WIPF1: variants seen among roughly 807,000 people sequenced by gnomAD.
The protein encoded by WIPF1 is WAS/WASL-interacting protein family member 1.
Under a neutral mutation model 35.4 loss-of-function variants are expected in WIPF1, and 13 were observed. That is an observed-to-expected ratio of 0.37 (90% CI 0.24 to 0.58). The LOEUF (loss-of-function observed/expected upper bound fraction) is 0.58. Ranked by LOEUF, WIPF1 falls within the 20% of genes least tolerant of loss-of-function variation. The pLI is 0.74. For missense variants in WIPF1, 591 were observed against 667.0 expected (o/e 0.89, Z 1.25); for synonymous variants, 267 against 266.3 (o/e 1.00, Z -0.02).
In WIPF1 at chr2:174,567,145, C is replaced by G; in HGVS notation, c.1381G>C (p.Asp461His). The G allele has an allele frequency of 6.2e-7, 1 of 1,614,102 alleles. No homozygotes were observed. Among genetic ancestry groups the G allele is most frequent in the South Asian group, 1.1e-5 (1 of 91,084 alleles). ...ESRFYFHPIS[D>H]LPPPEPYVQT... Reference sequence around the variant, plus strand: ...ACATATGGCTCTGGAGGTGGCAAATCGGAAATCGGATGGAAGTAGAATCTG... The same window carrying G: ...ACATATGGCTCTGGAGGTGGCAAATGGGAAATCGGATGGAAGTAGAATCTG... Residue 461 changes from aspartate to histidine, a missense_variant, in exon 7 of 8, where the codon GAT becomes CAT. Physicochemically the swap from Asp to His is moderately conservative, Grantham distance 81. Transcript: ENST00000679041.
chr2:174,592,663 T>C (rs1258181767), intron 1 of WIPF1, among the ~76,000 whole-genome samples: 1 of 150,478 alleles, frequency 6.6e-6, no homozygotes, highest in Non-Finnish European at 1.5e-5. Flanking sequence ...TGGAGTGCAG[T>C]GGTACGATCT....
At chr2:174,604,999 C>A (rs1280328278) in intron 1 of WIPF1, among the ~76,000 whole-genome samples, 1 of 152,138 alleles carries the variant, frequency 6.6e-6, no homozygotes, top group African/African-American at 2.4e-5. Context: ...GTGTGTGGGG[C>A]TGAATTGGTA....
chr2:174,677,064 G>A (rs1688149395), intron 1 of WIPF1: 1 of 152,092 alleles, frequency 6.6e-6, no homozygotes, highest in Non-Finnish European at 1.5e-5. Context: ...TAAGGTAGGA[G>A]GATCATTTGG....
At chr2:174,592,876 G>A (rs1229699911) in intron 1 of WIPF1, among the ~76,000 whole-genome samples, 25 of 152,218 alleles carry the variant, frequency 1.6e-4, no homozygotes, top group Non-Finnish European at 5.9e-5. Context: ...AAGATGCTAT[G>A]ATAATAGGCA....
At chr2:174,576,465 T>C (rs1447360617) in intron 3 of WIPF1, among the ~76,000 whole-genome samples, 1 of 152,242 alleles carries the variant, frequency 6.6e-6, no homozygotes, top group Non-Finnish European at 1.5e-5. Context: ...TACATTAAAA[T>C]TTATTTAACT....
chr2:174,634,468 G>C (rs1687124795), intron 1 of WIPF1: 1 of 152,204 alleles, frequency 6.6e-6, no homozygotes, highest in South Asian at 2.1e-4. Flanking sequence ...AGAGAATTAG[G>C]TATTTTAGAG....
intron 1 of WIPF1, among the ~76,000 whole-genome samples, chr2:174,614,569 G>A (rs1448862917): frequency 6.6e-6 from 1 of 152,144 alleles, no homozygotes; most frequent in African/African-American, 2.4e-5. Context: ...ACCACAAGCT[G>A]ATGGCATTCT....
chr2:174,567,287 G>T, intron 6 of WIPF1, 104 bp from the exon 7 acceptor site: 1 of 1,091,204 alleles, frequency 9.2e-7, no homozygotes, highest in Non-Finnish European at 1.3e-6. Context: ...ACAGACATCA[G>T]TGCTAGTTTT....
At chr2:174,633,301 G>C (rs1393523532) in intron 1 of WIPF1, among the ~76,000 whole-genome samples, 1 of 152,166 alleles carries the variant, frequency 6.6e-6, no homozygotes, top group Non-Finnish European at 1.5e-5. Flanking sequence ...AACAAGTTGA[G>C]TCCACGAGCC....
intron 4 of WIPF1, among the ~76,000 whole-genome samples, chr2:174,573,094 A>C (rs1317483036): frequency 6.6e-6 from 1 of 152,220 alleles, no homozygotes; most frequent in Non-Finnish European, 1.5e-5. Context: ...ATCTACAAAG[A>C]AGCAGGCAAC....
intron 1 of WIPF1, among the ~76,000 whole-genome samples, 164 bp from the exon 2 acceptor site, chr2:174,585,775 A>G (rs1451032747): frequency 1.3e-5 from 2 of 152,208 alleles, no homozygotes; most frequent in Non-Finnish European, 2.9e-5. Context: ...TTCTGGAAGG[A>G]TCCCGGCAGA....
At chr2:174,585,665 C>T in intron 1 of WIPF1, 54 bp from the exon 2 acceptor site, 1 of 1,284,078 alleles carries the variant, frequency 7.8e-7, no homozygotes, top group South Asian at 1.3e-5. Context: ...TAATACTGTC[C>T]TAATCTGTCT....
intron 6 of WIPF1, 33 bp downstream of exon 6, chr2:174,567,828 C>T: frequency 6.5e-7 from 1 of 1,526,816 alleles, no homozygotes; most frequent in Middle Eastern, 1.8e-4. Context: ...TAGTTGCTGC[C>T]CTATAGCCCA....
chr2:174,589,159 G>A (rs556329396), intron 1 of WIPF1, among the ~76,000 whole-genome samples: 31 of 152,292 alleles, frequency 2.0e-4, no homozygotes, highest in African/African-American at 6.7e-4. Flanking sequence ...TGGGCCCACC[G>A]GCCACACCAG....
At chr2:174,653,581 TA>T (rs914225492) in intron 1 of WIPF1, among the ~76,000 whole-genome samples, 55 of 144,378 alleles carry the variant, frequency 3.8e-4, no homozygotes, top group South Asian at 6.6e-4. Context: ...CTAAAAATAC[TA>T]AAAAAAAAAA....
At chr2:174,640,578 T>C (rs947757324) in intron 1 of WIPF1, among the ~76,000 whole-genome samples, 4 of 152,058 alleles carry the variant, frequency 2.6e-5, no homozygotes, top group African/African-American at 7.2e-5. Context: ...CCCATGTACA[T>C]GGATTTTATA....
At chr2:174,587,277 A>G (rs1410542697) in intron 1 of WIPF1, among the ~76,000 whole-genome samples, 1 of 152,082 alleles carries the variant, frequency 6.6e-6, no homozygotes, top group East Asian at 1.9e-4. Context: ...TTAGCCTCCC[A>G]TAGTGCTGGG....
Position 174,567,182 on chromosome 2 carries a change from A to G in WIPF1, c.1344T>C (p.Asp448=), listed in dbSNP as rs1684687958. The G allele has an allele frequency of 1.2e-6, 2 of 1,612,964 alleles. No individual in the cohort carries two copies. Among genetic ancestry groups the G allele is most frequent in the African/African-American group, 1.3e-5 (1 of 74,900 alleles). The part of the protein sequence containing the change: ...RNGFQDSPCE[D]EWESRFYFHP... Reference sequence around the variant, plus strand: ...GGAAGTAGAATCTGCTTTCCCACTCATCTGGGAAGAGAAACAAGCAGTATC... The same window carrying G: ...GGAAGTAGAATCTGCTTTCCCACTCGTCTGGGAAGAGAAACAAGCAGTATC... Residue 448 remains aspartate, a splice_region_variant and synonymous_variant, in exon 7 of 8, where the codon GAT becomes GAC. Coordinates refer to ENST00000679041, the MANE Select transcript of WIPF1 (RefSeq NM_001375834.1).
At chr2:174,598,036 T>C (rs1028628482), upstream of WIPF1, 3 of 152,326 alleles carry the variant, frequency 2.0e-5, no homozygotes, top group Non-Finnish European at 4.4e-5. Context: ...TTCTAGATAT[T>C]CCCACAAAAA....
Sources: gnomAD v4.1 joint callset for allele counts (sites outside exome capture counted in the v4.1 genomes callset) on GRCh38, gnomAD v4.1.1 for gene constraint, MANE v1.5 for transcripts, NCBI Gene and HGNC (gene_info 2026-07-23, HGNC 2026-07-21) for gene names.